HSD17B11: variants seen among roughly 807,000 people sequenced by gnomAD.
HSD17B11 encodes the protein hydroxysteroid 17-beta dehydrogenase 11, also known as estradiol 17-beta-dehydrogenase 11.
HSD17B11 carries 22 observed loss-of-function variants against 27.8 expected under a neutral mutation model. The observed-to-expected ratio is 0.79, with a 90% CI of 0.56 to 1.13. The LOEUF (loss-of-function observed/expected upper bound fraction) is 1.13. Among genes scored for constraint, HSD17B11 ranks in the 50% most tolerant of loss-of-function variants. The pLI is 0.00. For synonymous variants in HSD17B11, 117 were observed against 132.8 expected (o/e 0.88, Z 0.82); for missense variants, 314 against 351.1 (o/e 0.89, Z 0.84).
At chr4:87,390,774 G>T in intron 1 of HSD17B11, 87 bp downstream of exon 1, 1 of 1,140,768 alleles carries the variant, frequency 8.8e-7, no homozygotes, top group Non-Finnish European at 1.3e-6. Flanking sequence ...GCTTTGCAGA[G>T]ATGAGGTAAA....
At chr4:87,369,280 T>C (rs1195088303) in intron 4 of HSD17B11, among the ~76,000 whole-genome samples, 3 of 152,206 alleles carry the variant, frequency 2.0e-5, no homozygotes, top group Non-Finnish European at 4.4e-5. Flanking sequence ...GAAAGGCATA[T>C]ATATATATGA....
intron 5 of HSD17B11, among the ~76,000 whole-genome samples, chr4:87,356,553 T>C (rs1253833366): frequency 1.3e-5 from 2 of 152,170 alleles, no homozygotes; most frequent in Non-Finnish European, 2.9e-5. Context: ...AGGATGTTTA[T>C]CAAAATTTTG....
At chr4:87,382,230 A>T in intron 2 of HSD17B11, 25 bp downstream of exon 2, 1 of 1,543,180 alleles carries the variant, frequency 6.5e-7, no homozygotes, top group Non-Finnish European at 9.0e-7. Context: ...ACATGATATG[A>T]TTCTAACTAA....
At chr4:87,344,618 T>C (rs755682706) in intron 5 of HSD17B11, among the ~76,000 whole-genome samples, 1 of 152,168 alleles carries the variant, frequency 6.6e-6, no homozygotes, top group East Asian at 1.9e-4. Flanking sequence ...CCAGCAGAAA[T>C]AGAAGACTTG....
intron 4 of HSD17B11, among the ~76,000 whole-genome samples, chr4:87,369,010 T>C (rs574037554): frequency 6.6e-6 from 1 of 152,350 alleles, no homozygotes; most frequent in South Asian, 2.1e-4. Flanking sequence ...GCTTTCACTT[T>C]GCACTGTGGA....
At chr4:87,362,124 T>C (rs945064928) in intron 4 of HSD17B11, among the ~76,000 whole-genome samples, 16 of 152,132 alleles carry the variant, frequency 1.1e-4, no homozygotes, top group Non-Finnish European at 1.6e-4. Context: ...AGTTAGAGTC[T>C]CTCCTAAGAC....
intron 2 of HSD17B11, among the ~76,000 whole-genome samples, chr4:87,379,756 A>G (rs1344581040): frequency 7.4e-6 from 1 of 134,854 alleles, no homozygotes; most frequent in Non-Finnish European, 1.6e-5. Flanking sequence ...ATAGTATAAT[A>G]TAGTATAACA....
rs75097676 is a variant in HSD17B11, at chr4:87,378,232, T to C, written c.319-3402A>G. Among the ~76,000 whole-genome samples the C allele has an allele frequency of 4.7e-3, 714 of 152,338 alleles. 4 individuals carry two copies. Among genetic ancestry groups the C allele is most frequent in the African/African-American group, 0.016 (669 of 41,572 alleles). ...AACACCATTTATACCTATATACTAT[T>C]TTATATTACCAAAGGATTTTCCCAG... On this transcript the variant is annotated intron_variant, in intron 2 of 6. Transcript: ENST00000358290.
intron 2 of HSD17B11, among the ~76,000 whole-genome samples, chr4:87,379,145 C>G (rs978947802): frequency 1.4e-5 from 2 of 147,474 alleles, no homozygotes; most frequent in African/African-American, 5.0e-5. Context: ...TTTATAGAGA[C>G]AGGGTTTCAT....
In HSD17B11 at chr4:87,391,093, T is replaced by A. The variant is rs375730309; in HGVS notation, c.-23A>T. 3 of 1,540,114 alleles carry A rather than the reference T, an allele frequency of 1.9e-6. No homozygotes were observed. Among genetic ancestry groups the A allele is most frequent in the Non-Finnish European group, 2.6e-6 (3 of 1,147,450 alleles). ...CATCCCTTTTGTGGCTGCGAGCGTT[T>A]GGTGTGTTTTTTTTTTTTTTTACCA... On this transcript the variant is annotated 5_prime_UTR_variant, in exon 1 of 7. Coordinates refer to ENST00000358290, the MANE Select transcript of HSD17B11 (RefSeq NM_016245.5).
intron 5 of HSD17B11, among the ~76,000 whole-genome samples, chr4:87,355,434 AC>A (rs1329951956): frequency 1.3e-5 from 2 of 152,092 alleles, no homozygotes; most frequent in African/African-American, 4.8e-5. Context: ...ACCTCACAGA[AC>A]CTAAAGTCCA....
chr4:87,385,745 C>G (rs1175189807), intron 1 of HSD17B11: 5 of 151,786 alleles, frequency 3.3e-5, no homozygotes, highest in Admixed American at 2.6e-4. Flanking sequence ...GAAACCCTGC[C>G]TCTACTAAAA....
intron 4 of HSD17B11, among the ~76,000 whole-genome samples, chr4:87,359,047 ACT>A (rs1163978937): frequency 6.6e-6 from 1 of 151,242 alleles, no homozygotes; most frequent in East Asian, 1.9e-4. Flanking sequence ...TCTTGCTCTT[ACT>A]CTCTCTCGCT....
At chr4:87,343,531 G>A (rs183334350) in intron 5 of HSD17B11, among the ~76,000 whole-genome samples, 12 of 149,472 alleles carry the variant, frequency 8.0e-5, no homozygotes, top group Admixed American at 5.4e-4. Context: ...GTAATTTTGG[G>A]GAAAACATTT....
chr4:87,389,348 G>A (rs1347112326), intron 1 of HSD17B11, among the ~76,000 whole-genome samples: 1 of 152,110 alleles, frequency 6.6e-6, no homozygotes, highest in Non-Finnish European at 1.5e-5. Flanking sequence ...TCAGCCTCAT[G>A]AGTAGCTGGG....
chr4:87,369,741 T>G (rs963315548), intron 4 of HSD17B11, among the ~76,000 whole-genome samples: 9 of 152,184 alleles, frequency 5.9e-5, no homozygotes, highest in African/African-American at 2.2e-4. Flanking sequence ...TGGCCCCAGA[T>G]TTTTCTTTTA....
chr4:87,390,855 T>G lies in HSD17B11; in HGVS notation c.210+6A>C, dbSNP rs552976733. 1.2e-6 allele frequency: 2 copies of G among 1,612,508 alleles called. No homozygotes were observed. Among genetic ancestry groups the G allele is most frequent in the Admixed American group, 3.3e-5 (2 of 60,016 alleles). On this transcript the variant is annotated splice_donor_region_variant and intron_variant, in intron 1 of 6. Coordinates refer to ENST00000358290, the MANE Select transcript of HSD17B11 (RefSeq NM_016245.5). ...CCAGAAAGTAAAACATAGTAAACACTGTTACCTTATTTATATCCCAGAGAA... is the reference window on the plus strand; with the variant it reads ...CCAGAAAGTAAAACATAGTAAACACGGTTACCTTATTTATATCCCAGAGAA...
chr4:87,378,370 G>A (rs1006398594), intron 2 of HSD17B11, among the ~76,000 whole-genome samples: 7 of 152,002 alleles, frequency 4.6e-5, no homozygotes, highest in Non-Finnish European at 1.0e-4. Flanking sequence ...ACATAGTAGT[G>A]TATATATTCA....
chr4:87,379,900 T>C (rs1343234615), intron 2 of HSD17B11, among the ~76,000 whole-genome samples: 1 of 144,838 alleles, frequency 6.9e-6, no homozygotes, highest in Non-Finnish European at 1.5e-5. Flanking sequence ...GCACATCTCA[T>C]ATATACATAT....
Sources: allele counts gnomAD v4.1 joint callset (sites outside exome capture counted in the v4.1 genomes callset), GRCh38; gene constraint gnomAD v4.1.1; transcripts MANE v1.5; gene names NCBI Gene and HGNC (gene_info 2026-07-23, HGNC 2026-07-21).